ANK3: variants seen among roughly 807,000 people sequenced by gnomAD.
The protein encoded by ANK3 is ankyrin 3.
ANK3 carries 57 observed loss-of-function variants against 370.9 expected under a neutral mutation model. That is an observed-to-expected ratio of 0.15 (90% CI 0.12 to 0.19). The LOEUF (loss-of-function observed/expected upper bound fraction) is 0.19. Ranked by LOEUF, ANK3 falls within the 10% of genes least tolerant of loss-of-function variation. ANK3 has a pLI of 1.00. For synonymous variants in ANK3, 1,929 were observed against 1,946.3 expected, an observed-to-expected ratio of 0.99 and a Z score of 0.23; for missense variants, 4,439 against 5,302.1, an observed-to-expected ratio of 0.84 and a Z score of 5.06.
chr10:60,328,439 G>T (rs930417360), intron 1 of ANK3, among the ~76,000 whole-genome samples: 2 of 152,142 alleles, frequency 1.3e-5, no homozygotes, highest in African/African-American at 4.8e-5. Flanking sequence ...CAATAATAGA[G>T]AAGTGATTAA....
chr10:60,053,829 C>T (rs1481917764), intron 42 of ANK3: 1 of 916,446 alleles, frequency 1.1e-6, no homozygotes, highest in African/African-American at 1.8e-5. Flanking sequence ...AACGATACAT[C>T]CTAAACATCT....
At chr10:60,677,832 C>A (rs60629572) in intron 1 of ANK3, among the ~76,000 whole-genome samples, 1,776 of 151,314 alleles carry the variant, frequency 0.012, 31 homozygotes, top group African/African-American at 0.04. Context: ...AAAGAAAAAC[C>A]ACCACCACAC....
intron 2 of ANK3, among the ~76,000 whole-genome samples, chr10:60,506,051 CA>C (rs2075931580): frequency 6.6e-6 from 1 of 151,974 alleles, no homozygotes; most frequent in African/African-American, 2.4e-5. Flanking sequence ...CCTATTTTCT[CA>C]GAAGAGCACA....
chr10:60,401,321 T>C (rs550334498), intron 2 of ANK3, among the ~76,000 whole-genome samples: 5 of 152,296 alleles, frequency 3.3e-5, no homozygotes, highest in African/African-American at 1.2e-4. Context: ...TTTGCACTGA[T>C]AGGCAATGAT....
intron 1 of ANK3, among the ~76,000 whole-genome samples, chr10:60,369,516 G>A (rs2059832098): frequency 6.6e-6 from 1 of 152,146 alleles, no homozygotes; most frequent in Non-Finnish European, 1.5e-5. Flanking sequence ...AAGGCCTCTT[G>A]CCTTAGAATA....
At chr10:60,528,134 C>CTTTTTTTTTTTTTTTTTT (rs35837089) in intron 2 of ANK3, among the ~76,000 whole-genome samples, 1 of 124,264 alleles carries the variant, frequency 8.0e-6, no homozygotes, top group African/African-American at 2.9e-5. Context: ...TTTTCTTCTT[C>CTTTTTTTTTTTTTTTTTT]TTCTTTTTTT....
At chr10:60,408,273 C>T (rs2063493067) in intron 2 of ANK3, among the ~76,000 whole-genome samples, 1 of 152,166 alleles carries the variant, frequency 6.6e-6, no homozygotes, top group African/African-American at 2.4e-5. Flanking sequence ...GTTTAATTGT[C>T]AACCCCAGTG....
intron 1 of ANK3, among the ~76,000 whole-genome samples, chr10:60,682,319 G>A (rs775471963): frequency 1.1e-4 from 16 of 152,030 alleles, no homozygotes; most frequent in Middle Eastern, 3.4e-3. Flanking sequence ...ACACCAAATC[G>A]GACATCCTGG....
At chr10:60,183,821 G>A (rs2132353325) in intron 17 of ANK3, among the ~76,000 whole-genome samples, 1 of 150,086 alleles carries the variant, frequency 6.7e-6, no homozygotes, top group Admixed American at 6.7e-5. Context: ...TTGCATCATT[G>A]CACTCCAGCC....
intron 2 of ANK3, among the ~76,000 whole-genome samples, chr10:60,400,962 T>C (rs959492137): frequency 2.6e-5 from 4 of 152,114 alleles, no homozygotes; most frequent in African/African-American, 9.7e-5. Context: ...AACAAAAAAA[T>C]AAAAATAATT....
At chr10:60,330,593 G>A (rs1227771821) in intron 1 of ANK3, among the ~76,000 whole-genome samples, 4 of 152,150 alleles carry the variant, frequency 2.6e-5, no homozygotes, top group African/African-American at 7.2e-5. Flanking sequence ...TTAGAATGGC[G>A]ATCATTAAAA....
At chr10:60,046,152 G>A (rs892858334) in intron 42 of ANK3, among the ~76,000 whole-genome samples, 2 of 152,170 alleles carry the variant, frequency 1.3e-5, no homozygotes, top group Non-Finnish European at 2.9e-5. Flanking sequence ...GAGGTCTTGT[G>A]TAAATACACT....
chr10:60,693,246 A>G (rs1268222915), intron 1 of ANK3, among the ~76,000 whole-genome samples: 1 of 152,266 alleles, frequency 6.6e-6, no homozygotes, highest in African/African-American at 2.4e-5. Flanking sequence ...CCTGGCTCGC[A>G]GGGTCCTAAG....
At chr10:60,452,621 T>C (rs185866826) in intron 2 of ANK3, among the ~76,000 whole-genome samples, 6 of 152,340 alleles carry the variant, frequency 3.9e-5, no homozygotes, top group African/African-American at 1.2e-4. Flanking sequence ...AATCTTCTCA[T>C]ATGAAGAGCT....
At chr10:60,534,659 T>C (rs2076683064) in intron 2 of ANK3, among the ~76,000 whole-genome samples, 1 of 152,148 alleles carries the variant, frequency 6.6e-6, no homozygotes. Flanking sequence ...AGCTTGTCAG[T>C]TCTACCTGAG....
rs78475921 is a variant in ANK3, at chr10:60,210,560, T to G, written c.997-2327A>C. On this transcript the variant is annotated intron_variant, in intron 9 of 43. Transcript: ENST00000280772. ...TGGTCAGAATCTGTTAAGAAGTCTA[T>G]CCTCAGTGCAGAGGGAGACTTCTGA... is the stretch of plus-strand genomic sequence containing the variant. 1.1e-4 allele frequency among the ~76,000 whole-genome samples: 17 copies of G among 152,302 alleles called. No individual in the cohort carries two copies. The East Asian group carries it at 3.1e-3, about 28-fold the overall frequency.
At chr10:60,446,735 T>A (rs1050712235) in intron 2 of ANK3, among the ~76,000 whole-genome samples, 6 of 151,938 alleles carry the variant, frequency 3.9e-5, no homozygotes, top group Non-Finnish European at 4.4e-5. Context: ...TATTTGGAGG[T>A]TTATCTGTGC....
At chr10:60,287,111 T>C (rs915780531) in intron 1 of ANK3, among the ~76,000 whole-genome samples, 6 of 152,172 alleles carry the variant, frequency 3.9e-5, no homozygotes, top group African/African-American at 1.4e-4. Flanking sequence ...GGGTCTCTTA[T>C]TAGACTATCC....
At position 60,495,254 on chromosome 10, in the gene ANK3, C is replaced by A. The variant is rs190109764; in HGVS notation, c.96+119932G>T. Among the ~76,000 whole-genome samples, 8 of 152,232 alleles carry A rather than the reference C, an allele frequency of 5.3e-5. No homozygotes were observed. The East Asian group carries it at 1.5e-3, about 29-fold the overall frequency. On this transcript the variant is annotated intron_variant, in intron 2 of 43. Coordinates refer to the ANK3 transcript ENST00000373827. ...ATCATCTATAACTATAGTAAGATCC[C>A]TGAGGTTAAGGCTCATGCTATAGTT...
Sources: gnomAD v4.1 joint callset for allele counts (sites outside exome capture counted in the v4.1 genomes callset) on GRCh38, gnomAD v4.1.1 for gene constraint, MANE v1.5 for transcripts, NCBI Gene and HGNC (gene_info 2026-07-23, HGNC 2026-07-21) for gene names.